The following NDRG3 variants were observed in gnomAD, a reference collection of about 807,000 sequenced individuals.
NDRG3 encodes the protein protein NDRG3.
NDRG3 carries 23 observed loss-of-function variants against 57.2 expected under a neutral mutation model. The ratio of observed to expected loss-of-function variants is 0.40; its 90% CI spans 0.29 to 0.57. The LOEUF (loss-of-function observed/expected upper bound fraction) is 0.57. Ranked by LOEUF, NDRG3 falls within the 20% of genes least tolerant of loss-of-function variation. The pLI is 0.42. For missense variants in NDRG3, 384 were observed against 457.3 expected (o/e 0.84, Z 1.46); for synonymous variants, 132 against 162.6 (o/e 0.81, Z 1.43).
In NDRG3 at chr20:36,676,814, G is replaced by A. The variant is rs374162162; in HGVS notation, c.531+4002C>T. 5.9e-5 allele frequency among the ~76,000 whole-genome samples: 9 copies of A among 152,336 alleles called. No individual in the cohort carries two copies. In the East Asian group the frequency reaches 9.7e-4, roughly 16 times the overall value. On this transcript the variant is annotated intron_variant, in intron 8 of 15. Transcript: ENST00000349004. ...GAGTTGAATGCAAGTGATGGCAGTG[G>A]CTGCTGCCATCACGCTGTGTGGCTG...
In NDRG3 at chr20:36,685,592, T is replaced by G. The variant is rs1318981017; in HGVS notation, c.321-1117A>C. 2.0e-5 allele frequency among the ~76,000 whole-genome samples: 3 copies of G among 152,194 alleles called. No homozygotes were observed. In the East Asian group the frequency reaches 5.8e-4, roughly 29 times the overall value. On this transcript the variant is annotated intron_variant, in intron 5 of 15. Transcript: ENST00000349004. Reference sequence around the variant, plus strand: ...TAACAAAGTGCTAGAACTACAGGTGTGAGCCACTGTGTCTGGCATGGTTAT... The same window carrying G: ...TAACAAAGTGCTAGAACTACAGGTGGGAGCCACTGTGTCTGGCATGGTTAT...
At chr20:36,701,488 T>G (rs1983218650) in intron 3 of NDRG3, among the ~76,000 whole-genome samples, 1 of 151,346 alleles carries the variant, frequency 6.6e-6, no homozygotes, top group Admixed American at 6.6e-5. Context: ...GAGGTTACTG[T>G]GAGCTATAAT....
At chr20:36,688,479 T>C (rs763726022) in intron 4 of NDRG3, among the ~76,000 whole-genome samples, 200 bp downstream of exon 4, 18 of 152,118 alleles carry the variant, frequency 1.2e-4, no homozygotes, top group Non-Finnish European at 2.2e-4. Flanking sequence ...GAAGGCGAGA[T>C]GTGATTCCAG....
chr20:36,728,947 CCT>C (rs1346941482), intron 1 of NDRG3, among the ~76,000 whole-genome samples: 5 of 152,106 alleles, frequency 3.3e-5, no homozygotes, highest in Non-Finnish European at 7.4e-5. Flanking sequence ...GTCTCGAACT[CCT>C]GACCTCAGGT....
chr20:36,658,104 T>C (rs993724360), intron 13 of NDRG3, among the ~76,000 whole-genome samples: 5 of 152,150 alleles, frequency 3.3e-5, no homozygotes, highest in Non-Finnish European at 4.4e-5. Flanking sequence ...AAACCTGAAA[T>C]GAGAAACTAA....
intron 1 of NDRG3, among the ~76,000 whole-genome samples, chr20:36,730,009 G>T (rs1161558176): frequency 6.6e-6 from 1 of 151,826 alleles, no homozygotes; most frequent in Non-Finnish European, 1.5e-5. Flanking sequence ...CACTTTAGGA[G>T]GCCAAGGCGG....
chr20:36,689,298 C>T (rs1982060117), intron 3 of NDRG3, among the ~76,000 whole-genome samples: 1 of 152,180 alleles, frequency 6.6e-6, no homozygotes, highest in South Asian at 2.1e-4. Flanking sequence ...GAGCAAAACA[C>T]ACCTTGTTAT....
At chr20:36,682,872 C>T (rs1981432206) in intron 6 of NDRG3, among the ~76,000 whole-genome samples, 1 of 151,092 alleles carries the variant, frequency 6.6e-6, no homozygotes, top group African/African-American at 2.4e-5. Flanking sequence ...TCAAGACCAT[C>T]CTGGCCAACA....
At chr20:36,719,934 G>A (rs1385398935) in intron 2 of NDRG3, among the ~76,000 whole-genome samples, 1 of 151,718 alleles carries the variant, frequency 6.6e-6, no homozygotes, top group African/African-American at 2.4e-5. Context: ...GACCAACATG[G>A]TGAAACCCTG....
chr20:36,717,015 A>C (rs762206273), intron 2 of NDRG3, among the ~76,000 whole-genome samples: 12 of 152,254 alleles, frequency 7.9e-5, no homozygotes, highest in Non-Finnish European at 1.0e-4. Context: ...CTGGAAGATT[A>C]AAATAAGATA....
intron 3 of NDRG3, among the ~76,000 whole-genome samples, chr20:36,698,632 A>G (rs116897299): frequency 3.1e-3 from 476 of 152,182 alleles, no homozygotes; most frequent in Non-Finnish European, 5.3e-3. Context: ...AAGTGAACCT[A>G]TACAGTTCAA....
chr20:36,660,376 G>C lies in NDRG3; in HGVS notation c.819C>G (p.Cys273Trp). 1 of 1,606,752 alleles carries C rather than the reference G, an allele frequency of 6.2e-7. No individual in the cohort carries two copies. Among genetic ancestry groups the C allele is most frequent in the Non-Finnish European group, 8.5e-7 (1 of 1,175,594 alleles). The change falls in exon 13 of 16, where the codon TGC becomes TGG. Residue 273 changes from cysteine to tryptophan, a missense_variant. Physicochemically the swap from Cys to Trp is radical, Grantham distance 215 (BLOSUM62 -2). Transcript: ENST00000349004. ...TATTTATAGGGTTCAGGCGGGAATT[G>C]CATTCGACCTAAAATTTAAAAAAAG... is the stretch of plus-strand genomic sequence containing the variant. ...NSPAVEAVVE[C>W]NSRLNPINTT...
At chr20:36,670,387 A>G (rs1310869218) in intron 9 of NDRG3, among the ~76,000 whole-genome samples, 1 of 152,222 alleles carries the variant, frequency 6.6e-6, no homozygotes, top group Non-Finnish European at 1.5e-5. Flanking sequence ...ATTCTTTGTA[A>G]TAAGCCCTAT....
chr20:36,680,732 T>A, intron 8 of NDRG3, 84 bp downstream of exon 8: 1 of 987,114 alleles, frequency 1.0e-6, no homozygotes, highest in Non-Finnish European at 1.6e-6. Context: ...TACCCTTAAC[T>A]GTATATATAC....
chr20:36,724,216 AG>A (rs1267046014), intron 1 of NDRG3, among the ~76,000 whole-genome samples: 1 of 152,188 alleles, frequency 6.6e-6, no homozygotes, highest in Non-Finnish European at 1.5e-5. Context: ...AGGGACTCAG[AG>A]GATGTCTATT....
intron 1 of NDRG3, among the ~76,000 whole-genome samples, chr20:36,726,305 G>T (rs953952306): frequency 1.3e-5 from 2 of 152,080 alleles, no homozygotes; most frequent in South Asian, 4.1e-4. Flanking sequence ...AAATGAGAAG[G>T]CTGTCCCTAT....
At chr20:36,728,246 G>A (rs1054152370) in intron 1 of NDRG3, among the ~76,000 whole-genome samples, 6 of 151,916 alleles carry the variant, frequency 3.9e-5, no homozygotes, top group Admixed American at 2.0e-4. Flanking sequence ...AGTAGAGACG[G>A]GGTTTCACTG....
intron 4 of NDRG3, among the ~76,000 whole-genome samples, 157 bp from the exon 5 acceptor site, chr20:36,687,769 T>G (rs1981917884): frequency 6.6e-6 from 1 of 152,200 alleles, no homozygotes; most frequent in African/African-American, 2.4e-5. Context: ...CAAGCTGCCC[T>G]AAAGGCTGAA....
chr20:36,699,693 GGTGT>G (rs368581166), intron 3 of NDRG3, among the ~76,000 whole-genome samples: 1 of 149,464 alleles, frequency 6.7e-6, no homozygotes, highest in East Asian at 1.9e-4. Flanking sequence ...GTGGTGGTAG[GGTGT>G]GTGTGTGTGT....
Sources: allele counts gnomAD v4.1 joint callset (sites outside exome capture counted in the v4.1 genomes callset), GRCh38; gene constraint gnomAD v4.1.1; transcripts MANE v1.5; gene names NCBI Gene and HGNC (gene_info 2026-07-23, HGNC 2026-07-21).